SPATA13: variants seen among roughly 807,000 people sequenced by gnomAD.
The protein encoded by SPATA13 is spermatogenesis associated 13, also known as spermatogenesis-associated protein 13.
SPATA13 carries 50 observed loss-of-function variants against 104.0 expected under a neutral mutation model. The observed-to-expected ratio is 0.48, with a 90% CI of 0.38 to 0.61. SPATA13 has a LOEUF of 0.61. Among genes scored for constraint, SPATA13 ranks in the 20% least tolerant of loss-of-function variants. SPATA13 has a pLI of 0.00. For synonymous variants in SPATA13, 606 were observed against 667.5 expected (o/e 0.91, Z 1.42); for missense variants, 1,524 against 1,690.6 (o/e 0.90, Z 1.73).
chr13:24,082,507 T>C (rs952907550), intron 3 of SPATA13, among the ~76,000 whole-genome samples: 8 of 152,130 alleles, frequency 5.3e-5, no homozygotes, highest in African/African-American at 1.7e-4. Context: ...TTTTCTATAC[T>C]CAACTACAGC....
intron 3 of SPATA13, among the ~76,000 whole-genome samples, chr13:24,138,750 A>ATTTTTT (rs11354139): frequency 8.9e-6 from 1 of 112,628 alleles, no homozygotes; most frequent in African/African-American, 3.5e-5. Context: ...CCCCTGGCTA[A>ATTTTTT]TTTTTTTTTT....
chr13:24,025,774 T>C (rs1002362761), intron 3 of SPATA13, among the ~76,000 whole-genome samples: 60 of 151,844 alleles, frequency 4.0e-4, no homozygotes, highest in African/African-American at 1.4e-3. Context: ...CTATGAAATA[T>C]CTAATCACAT....
intron 3 of SPATA13, among the ~76,000 whole-genome samples, chr13:24,112,290 A>G (rs2137814155): frequency 6.7e-6 from 1 of 148,934 alleles, no homozygotes; most frequent in South Asian, 2.2e-4. Context: ...TTACAATAAA[A>G]ATCTACCCTT....
At chr13:24,001,265 T>C (rs1029643179) in intron 2 of SPATA13, among the ~76,000 whole-genome samples, 1 of 151,838 alleles carries the variant, frequency 6.6e-6, no homozygotes, top group African/African-American at 2.4e-5. Flanking sequence ...AGGTGGAGGG[T>C]GAGCAGGTGA....
At chr13:24,249,398 T>G (rs1593460322) in intron 2 of SPATA13, 79 bp from the exon 3 acceptor site, 2 of 1,434,952 alleles carry the variant, frequency 1.4e-6, no homozygotes, top group Non-Finnish European at 1.8e-6. Flanking sequence ...GCTGTGGTGG[T>G]GAGAGGGAAT....
At chr13:24,275,019 AC>A (rs943589804) in intron 4 of SPATA13, among the ~76,000 whole-genome samples, 5 of 151,360 alleles carry the variant, frequency 3.3e-5, no homozygotes, top group African/African-American at 1.2e-4. Context: ...CACCAGGACT[AC>A]CCTCCCCCAC....
Position 24,222,902 on chromosome 13 carries a change from GTCTGCGGAC to G in SPATA13, c.-25_-17del. The G allele has an allele frequency of 6.5e-7, 1 of 1,550,240 alleles. No homozygotes were observed. The highest frequency in any genetic ancestry group is 8.7e-7 in the Non-Finnish European group (1 of 1,146,248). Reference sequence around the variant, plus strand: ...CTGGAGATGAAGGCCTGGAGCTGCGGTCTGCGGACTCGGCAGTGCCCGTGGCCATGACCC... The same window carrying G: ...CTGGAGATGAAGGCCTGGAGCTGCGGTCGGCAGTGCCCGTGGCCATGACCC... On this transcript the variant is annotated 5_prime_UTR_variant, in exon 2 of 13. Transcript: ENST00000382108.
chr13:24,249,437 C>T lies in SPATA13; in HGVS notation c.1654-40C>T, dbSNP rs78791679. 379 of 1,473,290 alleles carry T rather than the reference C, an allele frequency of 2.6e-4. 3 individuals are homozygous for T. In the East Asian group the frequency reaches 9.1e-3, roughly 35 times the overall value. The allele number at this position is 1,473,290 out of a possible 1,614,324, so 91.3% of individuals were successfully genotyped here. A position where few individuals can be genotyped will look rare whatever the true frequency, so the allele number is the denominator to read the frequency against. On this transcript the variant is annotated intron_variant, in intron 2 of 12. Coordinates refer to ENST00000382108, the MANE Select transcript of SPATA13 (RefSeq NM_001166271.3). ...TGGCTTGTTCTTTCTTTAATACCTTCCTGGATATTGAGCTCACCTGACCTG... is the reference window on the plus strand; with the variant it reads ...TGGCTTGTTCTTTCTTTAATACCTTTCTGGATATTGAGCTCACCTGACCTG...
Position 24,205,626 on chromosome 13 carries a change from G to C in SPATA13, c.-111-17193G>C, listed in dbSNP as rs532327778. Among the ~76,000 whole-genome samples the C allele has an allele frequency of 6.6e-6, 1 of 152,126 alleles. No homozygotes were observed. Among genetic ancestry groups the C allele is most frequent in the Non-Finnish European group, 1.5e-5 (1 of 67,996 alleles). On this transcript the variant is annotated intron_variant, in intron 1 of 12. Transcript: ENST00000382108. The surrounding 1 kb of genome is among the most constrained non-coding windows in gnomAD (Gnocchi z 4.1). ...ACCAAAAAAGAGCCTGAATAGTGAAGACAATTCTAAGCAAAAAGAAGAAAG... is the reference window on the plus strand; with the variant it reads ...ACCAAAAAAGAGCCTGAATAGTGAACACAATTCTAAGCAAAAAGAAGAAAG...
intron 3 of SPATA13, among the ~76,000 whole-genome samples, chr13:24,089,564 T>C (rs1434116872): frequency 6.6e-6 from 1 of 152,248 alleles, no homozygotes; most frequent in African/African-American, 2.4e-5. Flanking sequence ...CAGTTAGTGT[T>C]GTGGTAGAAT....
chr13:24,223,537 T>C lies in SPATA13; in HGVS notation c.608T>C (p.Leu203Pro). 1 of 1,549,022 alleles carries C rather than the reference T, an allele frequency of 6.5e-7. No individual in the cohort carries two copies. Among genetic ancestry groups the C allele is most frequent in the Non-Finnish European group, 8.7e-7 (1 of 1,146,988 alleles). ...CGGAGCACACACCGCTCCCGCAGCC[T>C]CCGCAGAGCCTACGGCCTGGGCCGC... ...FQRSTHRSRS[L>P]RRAYGLGRIC... The change falls in exon 2 of 13, where the codon CTC becomes CCC. Residue 203 changes from leucine to proline, a missense_variant. Leu to Pro is a moderately conservative substitution (Grantham distance 98). Coordinates refer to ENST00000382108, the MANE Select transcript of SPATA13 (RefSeq NM_001166271.3).
At chr13:24,158,175 G>A (rs1328215002), upstream of SPATA13, among the ~76,000 whole-genome samples, 1 of 152,160 alleles carries the variant, frequency 6.6e-6, no homozygotes, top group Non-Finnish European at 1.5e-5. Flanking sequence ...TGAATATTCA[G>A]GCTCCAGTTA....
chr13:24,206,055 A>C lies in SPATA13; in HGVS notation c.-111-16764A>C, dbSNP rs922003374. Among the ~76,000 whole-genome samples, 6 of 152,372 alleles carry C rather than the reference A, an allele frequency of 3.9e-5. No individual in the cohort carries two copies. The South Asian group carries it at 1.2e-3, about 32-fold the overall frequency. ...TGGTGAAGATGCCAAAAGCAATCAC[A>C]ACAAAAGCAAAAATTGACAAATGGG... On this transcript the variant is annotated intron_variant, in intron 1 of 12. Transcript: ENST00000382108.
At chr13:24,040,734 C>T (rs1424651569) in intron 3 of SPATA13, among the ~76,000 whole-genome samples, 1 of 152,190 alleles carries the variant, frequency 6.6e-6, no homozygotes, top group African/African-American at 2.4e-5. Flanking sequence ...GGAAAAGGGT[C>T]GCTTCAAGGC....
chr13:24,113,619 C>A (rs1880720765), intron 3 of SPATA13, among the ~76,000 whole-genome samples: 1 of 151,852 alleles, frequency 6.6e-6, no homozygotes, highest in African/African-American at 2.4e-5. Flanking sequence ...AGCCTGTAAT[C>A]CCAGCACTTT....
At chr13:24,064,687 G>T (rs1337195903) in intron 3 of SPATA13, among the ~76,000 whole-genome samples, 1 of 152,128 alleles carries the variant, frequency 6.6e-6, no homozygotes, top group Non-Finnish European at 1.5e-5. Flanking sequence ...ATTTCTGTTG[G>T]CTCTAAGCTA....
intron 3 of SPATA13, among the ~76,000 whole-genome samples, chr13:24,140,427 A>G (rs930219172): frequency 1.3e-5 from 2 of 152,348 alleles, no homozygotes; most frequent in African/African-American, 4.8e-5. Flanking sequence ...ATTCATCTAT[A>G]GAGTTTTCAT....
intron 3 of SPATA13, among the ~76,000 whole-genome samples, chr13:24,080,439 A>T (rs900603246): frequency 2.6e-5 from 4 of 152,236 alleles, no homozygotes; most frequent in African/African-American, 9.6e-5. Context: ...CACATGCATC[A>T]TCACTCAAAA....
At chr13:24,106,762 T>C (rs1227923322) in intron 3 of SPATA13, among the ~76,000 whole-genome samples, 1 of 152,152 alleles carries the variant, frequency 6.6e-6, no homozygotes, top group African/African-American at 2.4e-5. Context: ...ATGAGAGCTA[T>C]AAAACCAAGA....
Sources: gnomAD v4.1 joint callset for allele counts (sites outside exome capture counted in the v4.1 genomes callset) on GRCh38, gnomAD v4.1.1 for gene constraint, Gnocchi (gnomAD v3.1) non-coding constraint, MANE v1.5 for transcripts, NCBI Gene and HGNC (gene_info 2026-07-23, HGNC 2026-07-21) for gene names.